Variants in CLIP1 observed in about 807,000 individuals in gnomAD.
CLIP1 encodes CAP-Gly domain containing linker protein 1.
In CLIP1, 66 loss-of-function variants were observed where a neutral mutation model predicts 161.6. That is an observed-to-expected ratio of 0.41 (90% CI 0.33 to 0.50). The LOEUF (loss-of-function observed/expected upper bound fraction) is 0.50. Among genes scored for constraint, CLIP1 ranks in the 20% least tolerant of loss-of-function variants. CLIP1 has a pLI of 0.27. For synonymous variants in CLIP1, 598 were observed against 626.2 expected (o/e 0.96, Z 0.67); for missense variants, 1,376 against 1,702.0 (o/e 0.81, Z 3.37).
chr12:122,387,549 TATATATATA>T (rs1955337941), intron 1 of CLIP1, among the ~76,000 whole-genome samples: 2 of 14,092 alleles, frequency 1.4e-4, no homozygotes, highest in Non-Finnish European at 4.1e-4. Context: ...TGCCTTTTCA[TATATATATA>T]TATATATATA....
At chr12:122,330,146 G>C (rs1489566618) in intron 15 of CLIP1, among the ~76,000 whole-genome samples, 1 of 151,900 alleles carries the variant, frequency 6.6e-6, no homozygotes, top group African/African-American at 2.4e-5. Context: ...AAAAACACGG[G>C]ATGTTGATCA....
At chr12:122,333,957 T>C in intron 14 of CLIP1, 70 bp downstream of exon 14, 1 of 908,118 alleles carries the variant, frequency 1.1e-6, no homozygotes, top group Non-Finnish European at 1.8e-6. Flanking sequence ...TTATGTAACA[T>C]ACTACAACTG....
At chr12:122,405,943 G>A (rs1016678590) in intron 1 of CLIP1, among the ~76,000 whole-genome samples, 10 of 151,128 alleles carry the variant, frequency 6.6e-5, no homozygotes, top group African/African-American at 2.2e-4. Context: ...CGGCAGCTCC[G>A]GTAATCCCAG....
intron 5 of CLIP1, 145 bp downstream of exon 5, chr12:122,360,814 A>T: frequency 1.5e-6 from 1 of 654,800 alleles, no homozygotes; most frequent in Non-Finnish European, 2.5e-6. Context: ...TTCAAAACTT[A>T]CTTGCAAAGA....
intron 24 of CLIP1, chr12:122,277,721 T>C (rs1237926189): frequency 2.6e-5 from 4 of 155,104 alleles, no homozygotes; most frequent in African/African-American, 9.7e-5. Context: ...CCCAGTGTCA[T>C]TGTCAACCAA....
rs1013817263 is a variant in CLIP1, at chr12:122,310,835, C to T, written c.3474-953G>A. Among the ~76,000 whole-genome samples the T allele has an allele frequency of 4.6e-5, 7 of 152,172 alleles. No individual in the cohort carries two copies. The East Asian group carries it at 5.8e-4, about 13-fold the overall frequency. On this transcript the variant is annotated intron_variant, in intron 19 of 25. Coordinates refer to ENST00000620786, the MANE Select transcript of CLIP1 (RefSeq NM_001247997.2). ...TCCATCTGCTGATGCATGAACACAT[C>T]TATTTTTAACTTCAATTGTCTAATG... is the stretch of plus-strand genomic sequence containing the variant.
At chr12:122,417,416 T>C (rs564521714) in intron 1 of CLIP1, among the ~76,000 whole-genome samples, 2 of 151,526 alleles carry the variant, frequency 1.3e-5, no homozygotes, top group East Asian at 3.9e-4. Flanking sequence ...TAGTGAGTTA[T>C]AATTGTGCCA....
In CLIP1 at chr12:122,355,001, C is replaced by T. The variant is rs1953258966; in HGVS notation, c.1203+114G>A. ...ACAAGCACAGCAAAGAAATGTACAC[C>T]CATTTCTTGTGCTCTCAAGTCTAGC... On this transcript the variant is annotated intron_variant, in intron 6 of 25. Transcript: ENST00000620786. This position sits in a 1 kb window ranked among gnomAD's most constrained non-coding sequence, Gnocchi z 4.1. The T allele has an allele frequency of 2.3e-6, 2 of 863,642 alleles. No individual in the cohort carries two copies. The highest frequency in any genetic ancestry group is 3.7e-6 in the Non-Finnish European group (2 of 538,752). 53.5% of individuals were successfully genotyped at this position (863,642 alleles called of 1,614,324 possible). A position where few individuals can be genotyped will look rare whatever the true frequency, so the allele number is the denominator to read the frequency against.
chr12:122,276,965 C>CTT, intron 24 of CLIP1: 2 of 153,922 alleles, frequency 1.3e-5, no homozygotes, highest in East Asian at 1.9e-4. Flanking sequence ...CCCACCCCAC[C>CTT]TTTTTTTTTT....
intron 13 of CLIP1, 114 bp from the exon 14 acceptor site, chr12:122,334,224 G>C (rs1471290814): frequency 2.9e-6 from 2 of 683,976 alleles, no homozygotes; most frequent in African/African-American, 3.6e-5. Flanking sequence ...GAGAACACAG[G>C]AATACTAAAA....
chr12:122,315,786 G>A (rs1429401270), intron 19 of CLIP1, among the ~76,000 whole-genome samples: 8 of 151,552 alleles, frequency 5.3e-5, no homozygotes, highest in African/African-American at 1.5e-4. Context: ...GACTACAGGC[G>A]TCCGCCACCA....
chr12:122,289,020 C>G (rs531227237), intron 20 of CLIP1, among the ~76,000 whole-genome samples: 39 of 150,836 alleles, frequency 2.6e-4, no homozygotes, highest in Non-Finnish European at 5.0e-4. Context: ...TTTTCACCGT[C>G]TTAGCCAGGA....
intron 1 of CLIP1, among the ~76,000 whole-genome samples, chr12:122,417,564 G>T (rs1956799294): frequency 6.8e-6 from 1 of 148,088 alleles, no homozygotes; most frequent in African/African-American, 2.5e-5. Flanking sequence ...CCAGGCTGGA[G>T]TGCAGTGGCG....
chr12:122,368,725 T>G (rs1032016318), intron 3 of CLIP1, among the ~76,000 whole-genome samples: 2 of 151,986 alleles, frequency 1.3e-5, no homozygotes, highest in African/African-American at 2.4e-5. Flanking sequence ...GGCAGATCAC[T>G]TGAGGTCAGG....
chr12:122,279,433 T>TA lies in CLIP1; in HGVS notation c.3648-289dup, dbSNP rs11333609. The TA allele has an allele frequency of 7.2e-3, 1,043 of 145,226 alleles. 13 individuals are homozygous for TA. The highest frequency in any genetic ancestry group is 0.031 in the Admixed American group (440 of 14,264). The allele number at this position is 145,226 out of a possible 1,614,324, so 9.0% of individuals were successfully genotyped here. A position where few individuals can be genotyped will look rare whatever the true frequency, so the allele number is the denominator to read the frequency against. Reference sequence around the variant, plus strand: ...TTAATAAATTTGGAAGAGGTAGAATTAAAAAAAAAAAAAACGGTTGCACCC... The same window carrying TA: ...TTAATAAATTTGGAAGAGGTAGAATTAAAAAAAAAAAAAAACGGTTGCACCC... On this transcript the variant is annotated intron_variant, in intron 21 of 25. Transcript: ENST00000620786. The surrounding 1 kb of genome is among the most constrained non-coding windows in gnomAD (Gnocchi z 4.5).
chr12:122,388,409 C>T (rs147109411), intron 1 of CLIP1, among the ~76,000 whole-genome samples: 1,583 of 152,118 alleles, frequency 0.01, 19 homozygotes, highest in African/African-American at 0.036. Context: ...TTAGTAGAGA[C>T]GGGGTTTCAC....
rs112399585 is a variant in CLIP1 at position 122,298,949 on chromosome 12, G to A, written c.3595-10408C>T. On this transcript the variant is annotated intron_variant, in intron 20 of 25. Transcript: ENST00000620786. ...CAGCCTGGCAACAGGGTGAGACTCC[G>A]TCTCAAAAAGAAAAAGAAGAATGAT... 4.2e-4 allele frequency among the ~76,000 whole-genome samples: 64 copies of A among 152,258 alleles called. 3 individuals are homozygous for A. The highest frequency in any genetic ancestry group is 1.3e-3 in the African/African-American group (55 of 41,542).
chr12:122,339,149 C>T (rs1471380011), intron 11 of CLIP1, among the ~76,000 whole-genome samples: 6 of 152,172 alleles, frequency 3.9e-5, no homozygotes, highest in East Asian at 1.9e-4. Context: ...ATGCAGCTGG[C>T]GAATGTTTCA....
rs373150716 is a variant in CLIP1, at chr12:122,340,840, C to T, written c.2364G>A (p.Ser788=). The part of the protein sequence containing the change: ...ALRKASSEGK[S]EMKKLRQQLE... The stretch of plus-strand genomic sequence containing the variant: ...GCTGCTGTCTAAGTTTCTTCATTTC[C>T]GATTTACCTTCGGAACTGGCTTTCC... Residue 788 remains serine, a synonymous_variant, in exon 11 of 26, where the codon TCG becomes TCA. Transcript: ENST00000620786. 20 of 1,614,054 alleles carry T rather than the reference C, an allele frequency of 1.2e-5. No homozygotes were observed. Among genetic ancestry groups the T allele is most frequent in the East Asian group, 4.5e-5 (2 of 44,882 alleles).
Sources: allele counts gnomAD v4.1 joint callset (sites outside exome capture counted in the v4.1 genomes callset), GRCh38; gene constraint gnomAD v4.1.1; non-coding constraint Gnocchi (gnomAD v3.1); transcripts MANE v1.5; gene names NCBI Gene and HGNC (gene_info 2026-07-23, HGNC 2026-07-21).